Variants in DPP6 observed in about 807,000 individuals in gnomAD.
DPP6 encodes the protein dipeptidyl peptidase like 6.
Under a neutral mutation model 122.6 loss-of-function variants are expected in DPP6, and 69 were observed. The observed-to-expected ratio is 0.56, with a 90% confidence interval of 0.46 to 0.69. The LOEUF (loss-of-function observed/expected upper bound fraction) is 0.69, where lower values mean the gene tolerates loss of function less well. DPP6 is among the 30% of genes least tolerant of loss of function. The probability of loss-of-function intolerance (pLI) is 0.00; values close to 1 mark genes in which losing one functional copy is unlikely to be tolerated. For synonymous variants in DPP6, 418 were observed against 433.1 expected (o/e 0.97, Z 0.43); for missense variants, 928 against 1,116.9 (o/e 0.83, Z 2.41).
chr7:154,816,306 C>G (rs1196058069), intron 16 of DPP6, among the ~76,000 whole-genome samples: 1 of 152,096 alleles, frequency 6.6e-6, no homozygotes, highest in Non-Finnish European at 1.5e-5. Flanking sequence ...TTCATAATAA[C>G]TTTTATTACA....
chr7:154,631,591 T>C (rs1835411160), intron 5 of DPP6, among the ~76,000 whole-genome samples: 1 of 151,030 alleles, frequency 6.6e-6, no homozygotes, highest in Non-Finnish European at 1.5e-5. Context: ...CACTTGAGCA[T>C]GGGAGGCAGT....
intron 5 of DPP6, among the ~76,000 whole-genome samples, chr7:154,593,539 G>T (rs1418568149): frequency 1.3e-5 from 2 of 152,170 alleles, no homozygotes; most frequent in African/African-American, 4.8e-5. Flanking sequence ...CAGAATCTTA[G>T]GACATGCACA....
At chr7:154,303,352 G>T (rs1806036584) in intron 1 of DPP6, among the ~76,000 whole-genome samples, 1 of 152,144 alleles carries the variant, frequency 6.6e-6, no homozygotes, top group Non-Finnish European at 1.5e-5. Flanking sequence ...TTCTTTCTGA[G>T]CCTGTTTACT....
chr7:154,500,783 A>C (rs4524699), intron 3 of DPP6, among the ~76,000 whole-genome samples: 50,149 of 152,082 alleles, frequency 0.33, 8,440 homozygotes, highest in Middle Eastern at 0.36. Flanking sequence ...GTACCAGTAG[A>C]GTGGGGCACT....
chr7:154,830,402 A>G (rs961592829), intron 16 of DPP6, among the ~76,000 whole-genome samples: 3 of 152,240 alleles, frequency 2.0e-5, no homozygotes, highest in African/African-American at 7.2e-5. Context: ...GGTCCAACAA[A>G]GAAGCGCTTG....
At chr7:153,834,177 C>T in the DPP6 span, among the ~76,000 whole-genome samples, 3 of 151,768 alleles carry the variant, frequency 2.0e-5, no homozygotes, top group African/African-American at 7.3e-5. Flanking sequence ...GTCCCAGCTA[C>T]TCTGGAGGCT....
chr7:153,801,653 T>C, the DPP6 span, among the ~76,000 whole-genome samples: 1 of 152,148 alleles, frequency 6.6e-6, no homozygotes, highest in Non-Finnish European at 1.5e-5. Context: ...TCAGAGCCTA[T>C]TTGTGGTGGG....
In DPP6 at chr7:154,483,940, G is replaced by A. The variant is rs1039069309; in HGVS notation, c.457+8903G>A. 5.9e-5 allele frequency among the ~76,000 whole-genome samples: 9 copies of A among 152,088 alleles called. No individual in the cohort carries two copies. The highest frequency in any genetic ancestry group is 2.0e-4 in the Admixed American group (3 of 15,256). On this transcript the variant is annotated intron_variant, in intron 3 of 25. Transcript: ENST00000377770. This position sits in a 1 kb window ranked among gnomAD's most constrained non-coding sequence, Gnocchi z 8.1. ...GAACTCCTGACCTCGTGATCTGCCCGCCTCAGCCTCCCAAAGTGTTGGGAT... is the reference window on the plus strand; with the variant it reads ...GAACTCCTGACCTCGTGATCTGCCCACCTCAGCCTCCCAAAGTGTTGGGAT...
intron 1 of DPP6, among the ~76,000 whole-genome samples, chr7:154,151,636 C>T (rs1431539803): frequency 6.6e-6 from 1 of 152,148 alleles, no homozygotes; most frequent in African/African-American, 2.4e-5. Context: ...ATCCCCTTGC[C>T]CTCCCTCAGG....
At position 154,063,304 on chromosome 7, in the gene DPP6, G is replaced by A. The variant is rs368528469; in HGVS notation, c.243+10241G>A. ...AGGGGGGAGGGACCCCCCATGAGGCGGGGACTGAGAGCCAGTCCCTCTTCT... is the reference window on the plus strand; with the variant it reads ...AGGGGGGAGGGACCCCCCATGAGGCAGGGACTGAGAGCCAGTCCCTCTTCT... On this transcript the variant is annotated intron_variant, in intron 1 of 25. Transcript: ENST00000377770. 3.8e-3 allele frequency among the ~76,000 whole-genome samples: 449 copies of A among 117,480 alleles called. 63 individuals are homozygous for A. The highest frequency in any genetic ancestry group is 0.012 in the African/African-American group (384 of 31,408). 77.1% of individuals were successfully genotyped at this position (117,480 alleles called of 152,430 possible).
chr7:153,834,297 C>T, the DPP6 span, among the ~76,000 whole-genome samples: 22 of 151,060 alleles, frequency 1.5e-4, no homozygotes, highest in African/African-American at 5.1e-4. Flanking sequence ...AAAGTAAGTA[C>T]ATCCCATCTC....
chr7:154,733,989 G>T (rs150663911), intron 8 of DPP6, among the ~76,000 whole-genome samples: 30 of 152,350 alleles, frequency 2.0e-4, no homozygotes, highest in African/African-American at 6.0e-4. Flanking sequence ...TGCTTCCTGC[G>T]TGTTGTGAAC....
intron 1 of DPP6, among the ~76,000 whole-genome samples, chr7:153,918,306 A>G (rs1176906744): frequency 1.3e-5 from 2 of 152,172 alleles, no homozygotes; most frequent in Non-Finnish European, 2.9e-5. Flanking sequence ...CCTTATTATT[A>G]GCTGCAGAAA....
chr7:154,526,028 A>G (rs141772624), intron 3 of DPP6, among the ~76,000 whole-genome samples: 151 of 152,356 alleles, frequency 9.9e-4, no homozygotes, highest in Non-Finnish European at 1.4e-3. Context: ...CCTAAAAACC[A>G]GAAGAGGCTT....
chr7:154,756,569 G>C (rs1406176780), intron 8 of DPP6, among the ~76,000 whole-genome samples: 2 of 152,104 alleles, frequency 1.3e-5, no homozygotes, highest in African/African-American at 4.8e-5. Context: ...CTGGTAGGGG[G>C]CAGGGCCGGA....
chr7:154,460,996 C>A (rs557657899), intron 2 of DPP6, among the ~76,000 whole-genome samples: 3 of 152,030 alleles, frequency 2.0e-5, no homozygotes, highest in Non-Finnish European at 4.4e-5. Context: ...TGCCCACCCC[C>A]ACCATCCACC....
At chr7:154,315,620 G>T (rs79402837) in intron 1 of DPP6, among the ~76,000 whole-genome samples, 3 of 152,000 alleles carry the variant, frequency 2.0e-5, no homozygotes, top group Non-Finnish European at 4.4e-5. Context: ...CATCACCTCT[G>T]GGGGGCTGTG....
At chr7:153,918,191 G>A (rs1431534321) in intron 1 of DPP6, among the ~76,000 whole-genome samples, 1 of 152,014 alleles carries the variant, frequency 6.6e-6, no homozygotes, top group Admixed American at 6.6e-5. Context: ...GCGTCTTATT[G>A]GTCTCTACAA....
At chr7:154,683,273 C>T (rs190465556) in intron 7 of DPP6, among the ~76,000 whole-genome samples, 27 of 152,262 alleles carry the variant, frequency 1.8e-4, no homozygotes, top group Admixed American at 8.5e-4. Flanking sequence ...GCGCCTGTCC[C>T]GTGAGTGTGA....
Sources: allele counts gnomAD v4.1 joint callset (sites outside exome capture counted in the v4.1 genomes callset), GRCh38; gene constraint gnomAD v4.1.1; non-coding constraint Gnocchi (gnomAD v3.1); transcripts MANE v1.5; gene names NCBI Gene and HGNC (gene_info 2026-07-23, HGNC 2026-07-21).